CD8B2: variants seen among roughly 807,000 people sequenced by gnomAD.
CD8B2 encodes T-cell surface glycoprotein CD8 beta-2 chain.
A neutral mutation model predicts 23.7 loss-of-function variants in CD8B2; 11 were observed. The observed-to-expected ratio is 0.46, with a 90% CI of 0.29 to 0.77. The LOEUF is 0.77. CD8B2 is among the 30% of genes least tolerant of loss of function. The pLI is 0.09. For missense variants in CD8B2, 197 were observed against 270.5 expected (o/e 0.73, Z 1.91); for synonymous variants, 90 against 109.3 (o/e 0.82, Z 1.10).
At chr2:106,537,795 T>C (rs1680111868) in intron 5 of CD8B2, among the ~76,000 whole-genome samples, 1 of 152,188 alleles carries the variant, frequency 6.6e-6, no homozygotes, top group South Asian at 2.1e-4. Context: ...CTTAATAGGT[T>C]CTGAAGATAA....
chr2:106,499,314 C>T (rs1203517580), intron 3 of CD8B2, among the ~76,000 whole-genome samples: 2 of 152,110 alleles, frequency 1.3e-5, no homozygotes, highest in African/African-American at 4.8e-5. Context: ...TGGTGGATCA[C>T]CTGAGGTCAG....
intron 5 of CD8B2, among the ~76,000 whole-genome samples, chr2:106,506,139 A>C (rs1679501402): frequency 1.3e-5 from 2 of 152,200 alleles, no homozygotes; most frequent in South Asian, 2.1e-4. Flanking sequence ...CTGTCTCAAA[A>C]AAAAAAAAAG....
At chr2:106,537,592 G>A (rs1680109010) in intron 5 of CD8B2, among the ~76,000 whole-genome samples, 2 of 152,138 alleles carry the variant, frequency 1.3e-5, no homozygotes, top group Non-Finnish European at 2.9e-5. Flanking sequence ...TTTACTTGGT[G>A]TAGAGCTTGG....
chr2:106,528,621 G>A (rs757638825), intron 5 of CD8B2, among the ~76,000 whole-genome samples: 12 of 152,154 alleles, frequency 7.9e-5, no homozygotes, highest in African/African-American at 1.9e-4. Flanking sequence ...AGAACAACTC[G>A]TACAATGAAA....
rs1679574938 is a variant in CD8B2, at chr2:106,509,308, G to A, written c.*2368G>A. On this transcript the variant is annotated 3_prime_UTR_variant, in exon 6 of 6. Coordinates refer to ENST00000643224, the MANE Select transcript of CD8B2 (RefSeq NM_001349727.2). Reference sequence around the variant, plus strand: ...TCCAAGGCTGAGGGGAGGGGTGAAAGAATTGGGGTCAGCTGGACCAGACTC... The same window carrying A: ...TCCAAGGCTGAGGGGAGGGGTGAAAAAATTGGGGTCAGCTGGACCAGACTC... 6.6e-6 allele frequency: 1 copy of A among 152,116 alleles called. No homozygotes were observed. The allele number at this position is 152,116 out of a possible 1,614,324, so 9.4% of individuals were successfully genotyped here.
At chr2:106,496,402 A>G in intron 3 of CD8B2, 140 bp downstream of exon 3, 1 of 1,380,612 alleles carries the variant, frequency 7.2e-7, no homozygotes, top group South Asian at 1.4e-5. Flanking sequence ...AGGGTCAGAA[A>G]GGATGCTGAG....
intron 5 of CD8B2, among the ~76,000 whole-genome samples, chr2:106,517,711 G>GTT (rs143803248): frequency 1.8e-4 from 27 of 150,156 alleles, no homozygotes; most frequent in South Asian, 4.2e-4. Flanking sequence ...TTTTTTTTTT[G>GTT]TTTTTTTGTT....
At chr2:106,514,286 C>CT (rs536439504), downstream of CD8B2, among the ~76,000 whole-genome samples, 11 of 111,998 alleles carry the variant, frequency 9.8e-5, no homozygotes, top group African/African-American at 3.8e-4. Flanking sequence ...GAACGCTTGT[C>CT]TTTTTTTTTT....
intron 3 of CD8B2, among the ~76,000 whole-genome samples, 181 bp from the exon 4 acceptor site, chr2:106,502,293 T>TC (rs1679422539): frequency 1.9e-4 from 2 of 10,586 alleles, no homozygotes; most frequent in Non-Finnish European, 4.0e-4. Context: ...AGACTCTGTC[T>TC]CAAAAAAAAA....
At chr2:106,534,212 A>G (rs1335408962) in intron 5 of CD8B2, among the ~76,000 whole-genome samples, 1 of 152,224 alleles carries the variant, frequency 6.6e-6, no homozygotes. Context: ...AGCAGATAGG[A>G]AAGTCATGCA....
intron 5 of CD8B2, among the ~76,000 whole-genome samples, chr2:106,526,890 C>T (rs181648468): frequency 4.1e-4 from 62 of 152,330 alleles, no homozygotes; most frequent in Middle Eastern, 3.4e-3. Context: ...CATCTGCCTG[C>T]CTCGGCCTTC....
intron 3 of CD8B2, among the ~76,000 whole-genome samples, chr2:106,501,405 G>A (rs1386536193): frequency 2.6e-5 from 4 of 152,140 alleles, no homozygotes; most frequent in Non-Finnish European, 4.4e-5. Flanking sequence ...TTTAAGGCCA[G>A]TTGCGGTAGC....
chr2:106,500,562 A>AAATAAATT (rs1287326097), intron 3 of CD8B2, among the ~76,000 whole-genome samples: 1 of 151,650 alleles, frequency 6.6e-6, no homozygotes, highest in East Asian at 1.9e-4. Flanking sequence ...ATAAATAAAT[A>AAATAAATT]ATTAAAAAAT....
intron 1 of CD8B2, among the ~76,000 whole-genome samples, chr2:106,490,271 C>T (rs985100395): frequency 1.4e-4 from 21 of 152,074 alleles, no homozygotes; most frequent in Middle Eastern, 3.2e-3. Context: ...ACTTCAAATC[C>T]TTGAGTTTGA....
intron 2 of CD8B2, among the ~76,000 whole-genome samples, chr2:106,493,613 C>A (rs1479892702): frequency 2.6e-5 from 4 of 152,194 alleles, no homozygotes; most frequent in Admixed American, 2.6e-4. Flanking sequence ...TCGTTGCACC[C>A]TCTCCGACCC....
intron 5 of CD8B2, among the ~76,000 whole-genome samples, chr2:106,532,821 T>C (rs1680008562): frequency 6.6e-6 from 1 of 152,236 alleles, no homozygotes; most frequent in South Asian, 2.1e-4. Flanking sequence ...CAATCTGTTT[T>C]ACCAGCAAGA....
downstream of CD8B2, among the ~76,000 whole-genome samples, chr2:106,515,660 T>C (rs1035433133): frequency 3.3e-5 from 5 of 152,154 alleles, no homozygotes; most frequent in Admixed American, 1.3e-4. Context: ...CTCCAGCCTA[T>C]GGTATTTTTG....
At chr2:106,503,713 C>CGGG (rs746471714) in intron 4 of CD8B2, among the ~76,000 whole-genome samples, 145,236 of 151,510 alleles carry the variant, frequency 0.96, 69,926 homozygotes, top group East Asian at 1. Flanking sequence ...GAGGGAGGAT[C>CGGG]ACTTGAGCCC....
rs192972097 is a variant in CD8B2 at position 106,502,270 on chromosome 2, G to A, written c.494-204G>A. Among the ~76,000 whole-genome samples, 1,277 of 135,374 alleles carry A rather than the reference G, an allele frequency of 9.4e-3. 24 individuals carry two copies. The highest frequency in any genetic ancestry group is 0.034 in the African/African-American group (1,190 of 34,528). 88.8% of individuals were successfully genotyped at this position (135,374 alleles called of 152,430 possible). On this transcript the variant is annotated intron_variant, in intron 3 of 5. Transcript: ENST00000643224. ...AGAATGCACCACTGCACTCCGGCCT[G>A]GGTGACAGAGCAAGACTCTGTCTCA... is the stretch of plus-strand genomic sequence containing the variant.
Sources: allele counts gnomAD v4.1 joint callset (sites outside exome capture counted in the v4.1 genomes callset), GRCh38; gene constraint gnomAD v4.1.1; transcripts MANE v1.5; gene names NCBI Gene and HGNC (gene_info 2026-07-23, HGNC 2026-07-21).